The following ACSS3 variants were observed in gnomAD, a reference collection of about 807,000 sequenced individuals.
ACSS3 encodes the protein acyl-CoA synthetase short chain family member 3, also known as acyl-CoA synthetase short-chain family member 3, mitochondrial.
ACSS3 carries 64 observed loss-of-function variants against 84.2 expected under a neutral mutation model. The ratio of observed to expected loss-of-function variants is 0.76; its 90% CI spans 0.62 to 0.94. The LOEUF is 0.94. ACSS3 is among the 40% of genes least tolerant of loss of function. The pLI, the probability that ACSS3 is intolerant of heterozygous loss-of-function variation, is 0.00. For missense variants in ACSS3, 815 were observed against 867.6 expected, an observed-to-expected ratio of 0.94 and a Z score of 0.76; for synonymous variants, 317 against 310.1, an observed-to-expected ratio of 1.02 and a Z score of -0.23.
intron 2 of ACSS3, among the ~76,000 whole-genome samples, chr12:81,120,555 C>T (rs1300491502): frequency 1.3e-5 from 2 of 152,052 alleles, no homozygotes; most frequent in Middle Eastern, 3.2e-3. Context: ...TAAAGTGGTG[C>T]AAATTAATAT....
At chr12:81,209,588 G>A (rs1361378049) in intron 9 of ACSS3, among the ~76,000 whole-genome samples, 1 of 152,006 alleles carries the variant, frequency 6.6e-6, no homozygotes, top group Non-Finnish European at 1.5e-5. Context: ...CCGCAAGAAG[G>A]GGTTCTTGGA....
At chr12:81,080,912 TTTAC>T (rs1880928631) in intron 1 of ACSS3, among the ~76,000 whole-genome samples, 2 of 152,314 alleles carry the variant, frequency 1.3e-5, no homozygotes, top group African/African-American at 2.4e-5. Context: ...GTGAAGGAGC[TTTAC>T]TTACTTTCTT....
At chr12:81,099,964 G>A (rs1049597841) in intron 1 of ACSS3, among the ~76,000 whole-genome samples, 1 of 152,134 alleles carries the variant, frequency 6.6e-6, no homozygotes, top group African/African-American at 2.4e-5. Flanking sequence ...CACGTTCACT[G>A]ACTTAGCTCA....
intron 13 of ACSS3, among the ~76,000 whole-genome samples, chr12:81,236,645 T>C (rs1010806485): frequency 3.3e-5 from 5 of 151,482 alleles, no homozygotes; most frequent in Non-Finnish European, 7.4e-5. Flanking sequence ...GATATAGTTA[T>C]ATATCTGCCT....
intron 11 of ACSS3, among the ~76,000 whole-genome samples, chr12:81,226,691 GAAACTTTCTGTTTCCATCTAGAATAT>G (rs1373958385): frequency 7.2e-5 from 11 of 151,820 alleles, no homozygotes; most frequent in Non-Finnish European, 1.2e-4. Context: ...ATCTAGAATA[GAAACTTTCTGTTTCCATCTAGAATAT>G]AAACTTTCTA....
intron 7 of ACSS3, among the ~76,000 whole-genome samples, chr12:81,161,924 A>G (rs890959348): frequency 1.3e-5 from 2 of 152,204 alleles, no homozygotes; most frequent in Non-Finnish European, 2.9e-5. Context: ...ACATGGTGGC[A>G]CATGGAAGCT....
At position 81,254,988 on chromosome 12, in the gene ACSS3, G is replaced by A; in HGVS notation, c.*66G>A. On this transcript the variant is annotated 3_prime_UTR_variant, in exon 16 of 16. Coordinates refer to ENST00000548058, the MANE Select transcript of ACSS3 (RefSeq NM_024560.4). ...TAATTGAAATTAAATTATTTGAGTT[G>A]TTTCTCAGAAATAAATATTTCAGTA... 1 of 1,324,220 alleles carries A rather than the reference G, an allele frequency of 7.6e-7. No individual in the cohort carries two copies. Among genetic ancestry groups the A allele is most frequent in the Non-Finnish European group, 1.0e-6 (1 of 964,294 alleles). 82.0% of individuals were successfully genotyped at this position (1,324,220 alleles called of 1,614,324 possible). A position where few individuals can be genotyped will look rare whatever the true frequency, so the allele number is the denominator to read the frequency against.
At chr12:81,240,420 A>T (rs1354477058) in intron 13 of ACSS3, among the ~76,000 whole-genome samples, 1 of 152,060 alleles carries the variant, frequency 6.6e-6, no homozygotes, top group East Asian at 1.9e-4. Context: ...TTTACTTTTA[A>T]TCTATATGTA....
rs750554661 is a variant in ACSS3, at chr12:81,178,920, A to G, written c.1250+3981A>G. On this transcript the variant is annotated intron_variant, in intron 8 of 15. Transcript: ENST00000548058. ...ATATTACAAGGCTACATTAACTAAA[A>G]TGGCATAGTACTGCCTCTGAAACAG... Among the ~76,000 whole-genome samples, 9 of 152,210 alleles carry G rather than the reference A, an allele frequency of 5.9e-5. 1 individual carries two copies. The highest frequency in any genetic ancestry group is 4.1e-4 in the South Asian group (2 of 4,836).
intron 1 of ACSS3, among the ~76,000 whole-genome samples, chr12:81,089,680 T>C (rs1342897615): frequency 6.6e-6 from 1 of 151,998 alleles, no homozygotes; most frequent in African/African-American, 2.4e-5. Flanking sequence ...TGTAACCTGA[T>C]GTATTATCGT....
At chr12:81,139,789 C>T (rs1886001540) in intron 4 of ACSS3, among the ~76,000 whole-genome samples, 1 of 151,614 alleles carries the variant, frequency 6.6e-6, no homozygotes, top group African/African-American at 2.4e-5. Context: ...GTGCCTGCCA[C>T]CACACCCGGC....
At chr12:81,115,583 G>A (rs1883970680) in intron 2 of ACSS3, among the ~76,000 whole-genome samples, 1 of 152,104 alleles carries the variant, frequency 6.6e-6, no homozygotes, top group East Asian at 1.9e-4. Context: ...TTACAGGTTT[G>A]AGCCACCACA....
Position 81,259,514 on chromosome 12 carries a change from C to A in ACSS3, c.*4592C>A. On this transcript the variant is annotated 3_prime_UTR_variant, in exon 16 of 16. Coordinates refer to ENST00000548058, the MANE Select transcript of ACSS3 (RefSeq NM_024560.4). ...GTAGTAAACTAATCAAATGTAATAT[C>A]TGACTCCCCCCAAAAATCACATTTT... 1.1e-6 allele frequency: 1 copy of A among 906,304 alleles called. No homozygotes were observed. The allele number at this position is 906,304 out of a possible 1,614,324, so 56.1% of individuals were successfully genotyped here. A position where few individuals can be genotyped will look rare whatever the true frequency, so the allele number is the denominator to read the frequency against.
intron 7 of ACSS3, among the ~76,000 whole-genome samples, chr12:81,174,036 G>T (rs1244012115): frequency 6.6e-6 from 1 of 152,098 alleles, no homozygotes; most frequent in Non-Finnish European, 1.5e-5. Context: ...ACTGATTATG[G>T]AAGAAGGGGA....
At position 81,248,958 on chromosome 12, in the gene ACSS3, A is replaced by G. The variant is rs372603784; in HGVS notation, c.1720-4349A>G. On this transcript the variant is annotated intron_variant, in intron 13 of 15. Coordinates refer to ENST00000548058, the MANE Select transcript of ACSS3 (RefSeq NM_024560.4). ...CACCAAAAATATTTCAGGGAACTCT[A>G]TTTTCTTTTCTGTTCTCATCATAAG... Among the ~76,000 whole-genome samples, 9 of 152,108 alleles carry G rather than the reference A, an allele frequency of 5.9e-5. No individual in the cohort carries two copies. In the South Asian group the frequency reaches 1.5e-3, roughly 25 times the overall value.
chr12:81,196,242 C>G (rs546659372), intron 8 of ACSS3, among the ~76,000 whole-genome samples: 74 of 152,200 alleles, frequency 4.9e-4, no homozygotes, highest in Non-Finnish European at 8.2e-4. Flanking sequence ...CATGATCTAC[C>G]TCTACACTCT....
intron 5 of ACSS3, among the ~76,000 whole-genome samples, chr12:81,150,207 TG>T (rs1593130085): frequency 2.0e-5 from 3 of 152,156 alleles, no homozygotes; most frequent in Non-Finnish European, 4.4e-5. Context: ...CTGATAAAAA[TG>T]GGTTCTAAAT....
intron 15 of ACSS3, among the ~76,000 whole-genome samples, 161 bp from the exon 16 acceptor site, chr12:81,254,696 T>A (rs997600502): frequency 4.6e-5 from 7 of 152,120 alleles, no homozygotes; most frequent in African/African-American, 1.7e-4. Flanking sequence ...AAGCTACAGA[T>A]GAGTATTAAT....
intron 13 of ACSS3, among the ~76,000 whole-genome samples, chr12:81,251,760 C>G (rs1231606141): frequency 2.6e-5 from 4 of 151,692 alleles, no homozygotes; most frequent in Admixed American, 6.6e-5. Context: ...GGAGGATCAC[C>G]TGAGCCTGGG....
Sources: gnomAD v4.1 joint callset for allele counts (sites outside exome capture counted in the v4.1 genomes callset) on GRCh38, gnomAD v4.1.1 for gene constraint, MANE v1.5 for transcripts, NCBI Gene and HGNC (gene_info 2026-07-23, HGNC 2026-07-21) for gene names.